CCDC136: variants seen among roughly 807,000 people sequenced by gnomAD.
CCDC136 encodes coiled-coil domain containing 136.
A neutral mutation model predicts 141.2 loss-of-function variants in CCDC136; 100 were observed. The ratio of observed to expected loss-of-function variants is 0.71; its 90% CI spans 0.60 to 0.84. The LOEUF is 0.84. CCDC136 is among the 40% of genes least tolerant of loss of function. The pLI, the probability that CCDC136 is intolerant of heterozygous loss-of-function variation, is 0.00. For synonymous variants in CCDC136, 474 were observed against 531.9 expected (o/e 0.89, Z 1.50); for missense variants, 1,206 against 1,379.4 (o/e 0.87, Z 1.99).
intron 3 of CCDC136, among the ~76,000 whole-genome samples, chr7:128,798,206 C>T (rs536378725): frequency 4.4e-5 from 6 of 137,498 alleles, no homozygotes; most frequent in Non-Finnish European, 8.0e-5. Flanking sequence ...CGTGAGCCAC[C>T]GCGCCCGGCC....
chr7:128,816,047 T>C, intron 16 of CCDC136, 116 bp downstream of exon 16: 1 of 986,408 alleles, frequency 1.0e-6, no homozygotes, highest in Non-Finnish European at 1.5e-6. Context: ...GGCCTCGCGC[T>C]CTAAGGCACA....
chr7:128,800,417 A>G (rs1012280711), intron 3 of CCDC136, among the ~76,000 whole-genome samples: 5 of 151,194 alleles, frequency 3.3e-5, no homozygotes, highest in Non-Finnish European at 5.9e-5. Flanking sequence ...CAGCCTCCCA[A>G]GTAGCTGGGA....
Position 128,801,399 on chromosome 7 carries a change from G to A in CCDC136, c.560G>A (p.Arg187His), listed in dbSNP as rs372522612. 148 of 1,613,298 alleles carry A rather than the reference G, an allele frequency of 9.2e-5. No individual in the cohort carries two copies. Among genetic ancestry groups the A allele is most frequent in the African/African-American group, 1.6e-4 (12 of 75,010 alleles). Residue 187 changes from arginine (R) to histidine (H), a missense_variant, in exon 4 of 18, where the codon CGC becomes CAC. Coordinates refer to ENST00000297788, the MANE Select transcript of CCDC136 (RefSeq NM_022742.5). Reference protein sequence around the residue: ...RMQNELEDMERIRGDYEMEIA... With the variant: ...RMQNELEDMEHIRGDYEMEIA... ...CAGAATGAACTTGAAGACATGGAAC[G>A]CATTCGGGGAGATTATGAGATGGAG... is the stretch of plus-strand genomic sequence containing the variant.
In CCDC136 at chr7:128,817,656, T is replaced by C; in HGVS notation, c.3364-102T>C. 1 of 891,328 alleles carries C rather than the reference T, an allele frequency of 1.1e-6. No homozygotes were observed. The highest frequency in any genetic ancestry group is 1.9e-6 in the Non-Finnish European group (1 of 520,910). 55.2% of individuals were successfully genotyped at this position (891,328 alleles called of 1,614,324 possible). On this transcript the variant is annotated intron_variant, in intron 16 of 17. Coordinates refer to ENST00000297788, the MANE Select transcript of CCDC136 (RefSeq NM_022742.5). The surrounding 1 kb of genome is among the most constrained non-coding windows in gnomAD (Gnocchi z 4.6). ...TTAACCTCTTGATTCCTTTCTCTTT[T>C]CCCTTTGTTTTCTCATCTTCATTAT...
intron 17 of CCDC136, among the ~76,000 whole-genome samples, chr7:128,820,488 T>A (rs557579665): frequency 1.3e-5 from 2 of 152,320 alleles, no homozygotes; most frequent in African/African-American, 4.8e-5. Context: ...CATTTAAGGA[T>A]TTCAGCTCCT....
At chr7:128,810,479 G>C in intron 12 of CCDC136, 113 bp downstream of exon 12, 1 of 707,872 alleles carries the variant, frequency 1.4e-6, no homozygotes, top group Non-Finnish European at 2.4e-6. Context: ...CAGGGGTAAG[G>C]ATAAGGCAAA....
At chr7:128,791,235 G>A (rs991105551), upstream of CCDC136, among the ~76,000 whole-genome samples, 1 of 151,176 alleles carries the variant, frequency 6.6e-6, no homozygotes, top group Non-Finnish European at 1.5e-5. This position sits in a 1 kb window ranked among gnomAD's most constrained non-coding sequence, Gnocchi z 7.1. Flanking sequence ...GCGGCTCCCC[G>A]CGCTCTCTAG....
chr7:128,795,046 C>T (rs973484241), intron 3 of CCDC136, among the ~76,000 whole-genome samples: 1 of 152,128 alleles, frequency 6.6e-6, no homozygotes, highest in Non-Finnish European at 1.5e-5. Flanking sequence ...GCTCTTTCCT[C>T]TTGCCCCTTC....
intron 3 of CCDC136, among the ~76,000 whole-genome samples, chr7:128,797,574 C>T (rs1803231148): frequency 6.6e-6 from 1 of 152,114 alleles, no homozygotes; most frequent in South Asian, 2.1e-4. Flanking sequence ...GTTGCTAAGT[C>T]AAGTGAGATG....
intron 9 of CCDC136, 70 bp from the exon 10 acceptor site, chr7:128,807,290 C>T (rs1280641660): frequency 5.7e-6 from 7 of 1,226,658 alleles, no homozygotes; most frequent in Non-Finnish European, 7.5e-6. Context: ...CCCTTAGTCC[C>T]CGCCTGGGAG....
In CCDC136 at chr7:128,820,298, A is replaced by G. The variant is rs79827639; in HGVS notation, c.*6-1501A>G. 7.3e-3 allele frequency among the ~76,000 whole-genome samples: 1,110 copies of G among 152,314 alleles called. 6 individuals are homozygous for G. The highest frequency in any genetic ancestry group is 0.031 in the South Asian group (150 of 4,826). On this transcript the variant is annotated intron_variant, in intron 17 of 17. Transcript: ENST00000297788. ...TTATTTCTGCATATTATCTGCAAAG[A>G]TCATAGAAAATTCTGTCAAACAACT...
rs1485439992 is a variant in CCDC136 at position 128,794,711 on chromosome 7, C to T, written c.289C>T (p.Arg97Trp). Reference protein sequence around the residue: ...LELQGLLEDERLASAQQAEVF... With the variant: ...LELQGLLEDEWLASAQQAEVF... ...CCCTGCAGGGCTCCTGGAGGATGAA[C>T]GGCTAGCCAGCGCCCAGCAGGCAGA... Residue 97 changes from arginine (R) to tryptophan (W), a missense_variant, in exon 3 of 18, where the codon CGG becomes TGG. By Grantham distance (101) the Arg-to-Trp change is moderately radical (BLOSUM62 -3). Transcript: ENST00000297788. This position sits in a 1 kb window ranked among gnomAD's most constrained non-coding sequence, Gnocchi z 4.3. 10 of 1,551,480 alleles carry T rather than the reference C, an allele frequency of 6.4e-6. No individual in the cohort carries two copies. The highest frequency in any genetic ancestry group is 2.4e-5 in the South Asian group (2 of 84,064).
At chr7:128,814,149 G>T (rs140951290) in intron 14 of CCDC136, among the ~76,000 whole-genome samples, 1 of 150,878 alleles carries the variant, frequency 6.6e-6, no homozygotes, top group East Asian at 2.0e-4. Flanking sequence ...GCAGTGGCAC[G>T]ATCTCAGCTT....
At position 128,817,701 on chromosome 7, in the gene CCDC136, A is replaced by G. The variant is rs1489131055; in HGVS notation, c.3364-57A>G. ...CATTATCTGTTGGATCCATGCGTTT[A>G]TGTCTCACATCTCCTGGTCTCTCCT... On this transcript the variant is annotated intron_variant, in intron 16 of 17. Transcript: ENST00000297788. This position sits in a 1 kb window ranked among gnomAD's most constrained non-coding sequence, Gnocchi z 4.6. 1.0e-5 allele frequency: 12 copies of G among 1,153,006 alleles called. No individual in the cohort carries two copies. Among genetic ancestry groups the G allele is most frequent in the Non-Finnish European group, 1.6e-5 (12 of 759,286 alleles). 71.4% of individuals were successfully genotyped at this position (1,153,006 alleles called of 1,614,324 possible).
Position 128,791,984 on chromosome 7 carries a change from C to A in CCDC136, c.-428C>A. 8.5e-7 allele frequency: 1 copy of A among 1,175,718 alleles called. No homozygotes were observed. Among genetic ancestry groups the A allele is most frequent in the Non-Finnish European group, 1.1e-6 (1 of 949,616 alleles). 72.8% of individuals were successfully genotyped at this position (1,175,718 alleles called of 1,614,324 possible). On this transcript the variant is annotated 5_prime_UTR_variant, in exon 1 of 18. Coordinates refer to ENST00000297788, the MANE Select transcript of CCDC136 (RefSeq NM_022742.5). This position sits in a 1 kb window ranked among gnomAD's most constrained non-coding sequence, Gnocchi z 7.1. ...CCTCCCTCCCTCCATCTGTAGGCCA[C>A]CTCAGCCTTTCAGCCTCTTCTTCAC...
intron 4 of CCDC136, 56 bp downstream of exon 4, chr7:128,801,565 A>G: frequency 9.8e-6 from 12 of 1,226,956 alleles, no homozygotes; most frequent in South Asian, 1.5e-5. Flanking sequence ...GAGATAATAT[A>G]TAGGAAAATG....
chr7:128,794,363 C>T lies in CCDC136; in HGVS notation c.32C>T (p.Pro11Leu). The change falls in exon 2 of 18, where the codon CCA (proline) becomes CTA (leucine). Residue 11 changes from proline (P) to leucine (L), a missense_variant. Physicochemically the swap from Pro to Leu is moderately conservative, Grantham distance 98. Coordinates refer to ENST00000297788, the MANE Select transcript of CCDC136 (RefSeq NM_022742.5). The surrounding 1 kb of genome is among the most constrained non-coding windows in gnomAD (Gnocchi z 4.3). Reference sequence around the variant, plus strand: ...TGTCTCCTAGGGGAGGTGTTACTCCCAGCTCTCTATGAGGAGGAAGAGGAA... The same window carrying T: ...TGTCTCCTAGGGGAGGTGTTACTCCTAGCTCTCTATGAGGAGGAAGAGGAA... MQAMEGEVLL[P>L]ALYEEEEEEE... The T allele has an allele frequency of 1.9e-6, 3 of 1,553,448 alleles. No individual in the cohort carries two copies. The highest frequency in any genetic ancestry group is 2.6e-6 in the Non-Finnish European group (3 of 1,147,820).
At chr7:128,811,384 C>T (rs920700306) in intron 12 of CCDC136, 4 of 458,674 alleles carry the variant, frequency 8.7e-6, no homozygotes, top group Middle Eastern at 3.3e-4. Flanking sequence ...TTCATATTGC[C>T]GCATTCAAGG....
upstream of CCDC136, chr7:128,791,430 G>T (rs977702204): frequency 2.5e-6 from 3 of 1,204,952 alleles, no homozygotes; most frequent in East Asian, 9.8e-5. The surrounding 1 kb of genome is among the most constrained non-coding windows in gnomAD (Gnocchi z 7.1). Flanking sequence ...CACCCGGCTC[G>T]GGTCCCCGGG....
Sources: allele counts gnomAD v4.1 joint callset (sites outside exome capture counted in the v4.1 genomes callset), GRCh38; gene constraint gnomAD v4.1.1; non-coding constraint Gnocchi (gnomAD v3.1); transcripts MANE v1.5; gene names NCBI Gene and HGNC (gene_info 2026-07-23, HGNC 2026-07-21).